FAT3: variants seen among roughly 807,000 people sequenced by gnomAD.
The protein encoded by FAT3 is FAT atypical cadherin 3.
A neutral mutation model predicts 310.2 loss-of-function variants in FAT3; 95 were observed. The observed-to-expected ratio is 0.31, with a 90% confidence interval of 0.26 to 0.36. The LOEUF (loss-of-function observed/expected upper bound fraction) is 0.36. FAT3 is among the 10% of genes least tolerant of loss of function. The pLI is 1.00. For synonymous variants in FAT3, 2,314 were observed against 2,192.9 expected (o/e 1.06, Z -1.54); for missense variants, 5,408 against 5,715.6 (o/e 0.95, Z 1.74).
At chr11:92,674,182 A>AATAAT (rs1943215481) in intron 3 of FAT3, among the ~76,000 whole-genome samples, 2 of 140,944 alleles carry the variant, frequency 1.4e-5, no homozygotes, top group Admixed American at 7.2e-5. Flanking sequence ...CTCCATCTCA[A>AATAAT]AATAATAATA....
intron 7 of FAT3, among the ~76,000 whole-genome samples, chr11:92,780,638 C>G (rs562662699): frequency 2.2e-4 from 33 of 152,200 alleles, no homozygotes; most frequent in African/African-American, 7.5e-4. Context: ...CTCTTAAAAG[C>G]AAGATGAAAA....
chr11:92,508,216 A>T (rs1000478709), intron 2 of FAT3, among the ~76,000 whole-genome samples: 1 of 152,098 alleles, frequency 6.6e-6, no homozygotes, highest in African/African-American at 2.4e-5. Context: ...ATTTTGGTCA[A>T]AGTTGTCTCT....
At chr11:92,546,922 T>C (rs1347194594) in intron 3 of FAT3, among the ~76,000 whole-genome samples, 1 of 152,196 alleles carries the variant, frequency 6.6e-6, no homozygotes, top group African/African-American at 2.4e-5. Context: ...TCACCCCAAA[T>C]GACACCTCCT....
rs1200088321 is a variant in FAT3 at position 92,355,084 on chromosome 11, C to G, written c.2972C>G (p.Ala991Gly). 6.2e-7 allele frequency: 1 copy of G among 1,613,698 alleles called. No individual in the cohort carries two copies. Among genetic ancestry groups the G allele is most frequent in the South Asian group, 1.1e-5 (1 of 91,068 alleles). Residue 991 changes from alanine (A) to glycine (G), a missense_variant, in exon 2 of 28, where the codon GCC becomes GGC. Physicochemically the swap from Ala to Gly is moderately conservative, Grantham distance 60. Around this residue, in one of 5 missense-constraint regions of FAT3, gnomAD observed 4,588 missense variants for 4,809.8 expected, o/e 0.95. Transcript: ENST00000525166. ...TTTGAAATAGATAAAGCAAGTGGTG[C>G]CATCCGCTTGAGCAAAGAGCTTGAT... ...GRFEIDKASG[A>G]IRLSKELDYE...
chr11:92,548,262 T>G (rs1360182352), intron 3 of FAT3, among the ~76,000 whole-genome samples: 1 of 152,196 alleles, frequency 6.6e-6, no homozygotes, highest in Non-Finnish European at 1.5e-5. Flanking sequence ...AAGTGGATTT[T>G]ATACTGTCGT....
intron 2 of FAT3, among the ~76,000 whole-genome samples, chr11:92,382,035 C>G (rs1283781407): frequency 6.6e-6 from 1 of 152,002 alleles, no homozygotes; most frequent in Non-Finnish European, 1.5e-5. Context: ...GCCAGGATAT[C>G]AAGGAGAAAA....
chr11:92,244,132 A>C (rs1864791086), intron 1 of FAT3, among the ~76,000 whole-genome samples: 1 of 152,096 alleles, frequency 6.6e-6, no homozygotes, highest in South Asian at 2.1e-4. Flanking sequence ...AAGACCGTGC[A>C]GCTGTTAAAT....
rs763468878 is a variant in FAT3 at position 92,890,944 on chromosome 11, T to A, written c.13601T>A (p.Val4534Glu). 2.5e-6 allele frequency: 4 copies of A among 1,613,858 alleles called. No homozygotes were observed. The Admixed American group carries it at 6.7e-5, about 27-fold the overall frequency. The change falls in exon 28 of 28, where the codon GTG (valine) becomes GAG (glutamate). Residue 4534 changes from valine (V) to glutamate (E), a missense_variant. Around this residue, in one of 5 missense-constraint regions of FAT3, gnomAD observed 649 missense variants for 666.2 expected, o/e 0.97. Transcript: ENST00000525166. ...GAGCCCACAGGCCCAGCAGACAGCG[T>A]GTCTCTGTCCTTGCACAATTCCAGA... Reference protein sequence around the residue: ...GTEPTGPADSVSLSLHNSRGT... With the variant: ...GTEPTGPADSESLSLHNSRGT...
intron 3 of FAT3, among the ~76,000 whole-genome samples, chr11:92,651,281 C>G (rs1274466514): frequency 1.3e-5 from 2 of 152,166 alleles, no homozygotes; most frequent in African/African-American, 4.8e-5. Context: ...GGAATGTGTG[C>G]AGGTAACGTG....
intron 3 of FAT3, among the ~76,000 whole-genome samples, chr11:92,580,106 A>G (rs565077591): frequency 1.3e-5 from 2 of 152,110 alleles, no homozygotes; most frequent in Non-Finnish European, 2.9e-5. Flanking sequence ...TTGTTAAATT[A>G]GCATGAAAAA....
At chr11:92,422,873 A>C (rs1411834213) in intron 2 of FAT3, among the ~76,000 whole-genome samples, 1 of 152,130 alleles carries the variant, frequency 6.6e-6, no homozygotes, top group Non-Finnish European at 1.5e-5. Flanking sequence ...TGGTCAAATC[A>C]GTTGTCTTGC....
chr11:92,312,415 T>C (rs1160264435), intron 1 of FAT3, among the ~76,000 whole-genome samples: 2 of 152,144 alleles, frequency 1.3e-5, no homozygotes, highest in Non-Finnish European at 2.9e-5. Flanking sequence ...ACATGTATAT[T>C]AAGGAAAATG....
intron 1 of FAT3, among the ~76,000 whole-genome samples, chr11:92,285,896 T>C (rs1946550781): frequency 6.6e-6 from 1 of 152,128 alleles, no homozygotes; most frequent in African/African-American, 2.4e-5. Context: ...TTCTAGAATG[T>C]TCCACCTTGT....
At chr11:92,572,769 C>T (rs187663145) in intron 3 of FAT3, among the ~76,000 whole-genome samples, 3 of 152,304 alleles carry the variant, frequency 2.0e-5, no homozygotes, top group Middle Eastern at 3.4e-3. Context: ...CAGAATCCTT[C>T]ATCTTCCATA....
chr11:92,801,288 G>A lies in FAT3; in HGVS notation c.8275G>A (p.Glu2759Lys). 6.2e-7 allele frequency: 1 copy of A among 1,613,942 alleles called. No individual in the cohort carries two copies. Among genetic ancestry groups the A allele is most frequent in the Non-Finnish European group, 8.5e-7 (1 of 1,179,880 alleles). ...TAACAAAGGGGGCATATTCGTCATA[G>A]AACAGGAAACAGGCACTATTAAGCT... ...ENNKGGIFVI[E>K]QETGTIKLDK... The change falls in exon 10 of 28, where the codon GAA becomes AAA. Residue 2759 changes from glutamate (E) to lysine (K), a missense_variant. Physicochemically the swap from Glu to Lys is moderately conservative, Grantham distance 56. This residue lies in a region of FAT3 where 4,588 missense variants were observed against 4,809.8 expected (regional missense o/e 0.95). Coordinates refer to ENST00000525166, the MANE Select transcript of FAT3 (RefSeq NM_001367949.2).
At chr11:92,333,202 T>C (rs887996096) in intron 1 of FAT3, among the ~76,000 whole-genome samples, 1 of 152,172 alleles carries the variant, frequency 6.6e-6, no homozygotes, top group South Asian at 2.1e-4. Context: ...AGAGGTCAAA[T>C]AGCTGCCTTA....
chr11:92,235,318 C>T (rs898347719), intron 1 of FAT3, among the ~76,000 whole-genome samples: 7 of 152,146 alleles, frequency 4.6e-5, no homozygotes, highest in Non-Finnish European at 1.0e-4. Context: ...GTTGCAGCTC[C>T]ATGCCGTCCT....
At chr11:92,417,003 G>A (rs11826991) in intron 2 of FAT3, among the ~76,000 whole-genome samples, 6,678 of 152,194 alleles carry the variant, frequency 0.044, 455 homozygotes, top group African/African-American at 0.14. Flanking sequence ...AGTCAGACAG[G>A]ACAAAATCAG....
At chr11:92,334,823 C>G (rs967964246) in intron 1 of FAT3, among the ~76,000 whole-genome samples, 1 of 152,188 alleles carries the variant, frequency 6.6e-6, no homozygotes, top group African/African-American at 2.4e-5. Context: ...CAGAGTTTCT[C>G]TCTTCTATGG....
Sources: allele counts gnomAD v4.1 joint callset (sites outside exome capture counted in the v4.1 genomes callset), GRCh38; gene constraint gnomAD v4.1.1; regional missense constraint gnomAD v4.1.1; transcripts MANE v1.5; gene names NCBI Gene and HGNC (gene_info 2026-07-23, HGNC 2026-07-21).